The following NDUFB4 variants were observed in gnomAD, a reference collection of about 807,000 sequenced individuals.
The protein encoded by NDUFB4 is NADH dehydrogenase [ubiquinone] 1 beta subcomplex subunit 4.
In NDUFB4, 10 loss-of-function variants were observed where a neutral mutation model predicts 14.5. The observed-to-expected ratio is 0.69, with a 90% CI of 0.43 to 1.17. The LOEUF is 1.17. NDUFB4 is among the 50% of genes most tolerant of loss of function. The pLI, the probability that NDUFB4 is intolerant of heterozygous loss-of-function variation, is 0.00. For synonymous variants in NDUFB4, 65 were observed against 63.4 expected (o/e 1.03, Z -0.12); for missense variants, 165 against 161.1 (o/e 1.02, Z -0.13).
Position 120,602,442 on chromosome 3 carries a change from C to T in NDUFB4, c.*172C>T. 1 of 586,996 alleles carries T rather than the reference C, an allele frequency of 1.7e-6. No homozygotes were observed. The allele number at this position is 586,996 out of a possible 1,614,324, so 36.4% of individuals were successfully genotyped here. ...TGGGAATCTGCTGTCAGAGTGACAGCAAACATTTGCTGTACATTGAATGAA... is the reference window on the plus strand; with the variant it reads ...TGGGAATCTGCTGTCAGAGTGACAGTAAACATTTGCTGTACATTGAATGAA... On this transcript the variant is annotated 3_prime_UTR_variant, in exon 3 of 3. Coordinates refer to ENST00000184266, the MANE Select transcript of NDUFB4 (RefSeq NM_004547.6).
Position 120,596,355 on chromosome 3 carries a change from C to T in NDUFB4, c.-5C>T, listed in dbSNP as rs770075041. On this transcript the variant is annotated 5_prime_UTR_variant, in exon 1 of 3. Transcript: ENST00000184266. Reference sequence around the variant, plus strand: ...GCAGGCGCAATTGTGCCCTGGTTCGCCAAGATGTCGTTCCCAAAGTATAAG... The same window carrying T: ...GCAGGCGCAATTGTGCCCTGGTTCGTCAAGATGTCGTTCCCAAAGTATAAG... 8.4e-5 allele frequency: 135 copies of T among 1,613,866 alleles called. 1 individual carries two copies. The highest frequency in any genetic ancestry group is 3.4e-6 in the Non-Finnish European group (4 of 1,179,958).
intron 1 of NDUFB4, among the ~76,000 whole-genome samples, chr3:120,600,768 C>T (rs546673635): frequency 2.1e-4 from 32 of 152,196 alleles, no homozygotes; most frequent in Admixed American, 3.9e-4. Context: ...TAAAAACAGT[C>T]CAGAGAAGAA....
intron 1 of NDUFB4, 74 bp downstream of exon 1, chr3:120,596,613 C>G: frequency 6.7e-7 from 1 of 1,489,184 alleles, no homozygotes; most frequent in Non-Finnish European, 9.2e-7. Context: ...CGCAAAGGGT[C>G]GGCCACCGCT....
intron 1 of NDUFB4, among the ~76,000 whole-genome samples, chr3:120,599,687 A>T (rs1308291258): frequency 1.3e-5 from 2 of 152,116 alleles, no homozygotes; most frequent in Non-Finnish European, 2.9e-5. Context: ...AACTATGGTC[A>T]TGGGGCAATT....
At chr3:120,601,286 T>A in intron 2 of NDUFB4, 29 bp downstream of exon 2, 1 of 1,611,884 alleles carries the variant, frequency 6.2e-7, no homozygotes, top group Non-Finnish European at 8.5e-7. Flanking sequence ...TGTTTAGTAT[T>A]TGAGTGATAG....
chr3:120,596,754 T>G (rs1461486874), intron 1 of NDUFB4: 1 of 571,818 alleles, frequency 1.7e-6, no homozygotes, highest in Non-Finnish European at 3.1e-6. Context: ...AATCCTGGCT[T>G]GATCACTTCC....
chr3:120,601,433 A>C, intron 2 of NDUFB4, 176 bp downstream of exon 2: 2 of 1,441,904 alleles, frequency 1.4e-6, no homozygotes, highest in Non-Finnish European at 1.8e-6. Flanking sequence ...GTTAAAACAG[A>C]AAGTTTTCAG....
intron 2 of NDUFB4, 190 bp downstream of exon 2, chr3:120,601,447 C>A: frequency 7.0e-7 from 1 of 1,421,068 alleles, no homozygotes; most frequent in Non-Finnish European, 9.1e-7. Flanking sequence ...TTTTCAGTCA[C>A]CTTTGTCTAT....
In NDUFB4 at chr3:120,596,544, G is replaced by A; in HGVS notation, c.180+5G>A. 6.2e-7 allele frequency: 1 copy of A among 1,613,176 alleles called. No homozygotes were observed. Among genetic ancestry groups the A allele is most frequent in the South Asian group, 1.1e-5 (1 of 90,848 alleles). Reference sequence around the variant, plus strand: ...CCCAACCGCCGAGGGCTCATCGTGAGTGTGGGGCCTCCCAGGCGGGAATAG... The same window carrying A: ...CCCAACCGCCGAGGGCTCATCGTGAATGTGGGGCCTCCCAGGCGGGAATAG... On this transcript the variant is annotated splice_donor_5th_base_variant and intron_variant, in intron 1 of 2. Coordinates refer to ENST00000184266, the MANE Select transcript of NDUFB4 (RefSeq NM_004547.6).
intron 2 of NDUFB4, 188 bp from the exon 3 acceptor site, chr3:120,602,020 G>T: frequency 7.5e-7 from 1 of 1,328,276 alleles, no homozygotes; most frequent in South Asian, 2.2e-5. Context: ...CTGTTTCTTC[G>T]CACACTCCCT....
chr3:120,602,010 C>G, intron 2 of NDUFB4, 198 bp from the exon 3 acceptor site: 1 of 1,322,714 alleles, frequency 7.6e-7, no homozygotes, highest in Non-Finnish European at 9.6e-7. Context: ...CCTCGGATTA[C>G]TGTTTCTTCG....
rs141339635 is a variant in NDUFB4, at chr3:120,600,628, A to G, written c.181-483A>G. ...TCCTACAGCTTATTTGTAGCCTGGAAAGACTATTTTGGTGATAGCATTAGA... is the reference window on the plus strand; with the variant it reads ...TCCTACAGCTTATTTGTAGCCTGGAGAGACTATTTTGGTGATAGCATTAGA... On this transcript the variant is annotated intron_variant, in intron 1 of 2. Transcript: ENST00000184266. Among the ~76,000 whole-genome samples, 525 of 152,290 alleles carry G rather than the reference A, an allele frequency of 3.4e-3. 2 individuals carry two copies. Among genetic ancestry groups the G allele is most frequent in the African/African-American group, 0.012 (486 of 41,554 alleles).
At chr3:120,598,422 A>G (rs925317795) in intron 1 of NDUFB4, among the ~76,000 whole-genome samples, 1 of 152,142 alleles carries the variant, frequency 6.6e-6, no homozygotes, top group Non-Finnish European at 1.5e-5. Flanking sequence ...TTATGGCCCT[A>G]TTTTACATGC....
chr3:120,596,714 C>T (rs1290863383), intron 1 of NDUFB4, 175 bp downstream of exon 1: 5 of 676,496 alleles, frequency 7.4e-6, no homozygotes, highest in Non-Finnish European at 1.2e-5. Flanking sequence ...TCGAGAGGAC[C>T]GGCTCTGGAC....
intron 2 of NDUFB4, 180 bp from the exon 3 acceptor site, chr3:120,602,028 C>G (rs1940072804): frequency 7.2e-7 from 1 of 1,388,156 alleles, no homozygotes; most frequent in African/African-American, 1.5e-5. Context: ...TCGCACACTC[C>G]CTGGGCTTTA....
intron 2 of NDUFB4, 78 bp from the exon 3 acceptor site, chr3:120,602,130 T>G: frequency 7.7e-6 from 12 of 1,552,644 alleles, no homozygotes; most frequent in Non-Finnish European, 1.0e-5. Context: ...CTTACCTTTT[T>G]TATTTATTTA....
At chr3:120,601,044 C>G in intron 1 of NDUFB4, 67 bp from the exon 2 acceptor site, 1 of 1,410,204 alleles carries the variant, frequency 7.1e-7, no homozygotes, top group Non-Finnish European at 9.9e-7. Context: ...CACAAAAGTC[C>G]CTATGAATTT....
In NDUFB4 at chr3:120,596,644, C is replaced by T. The variant is rs970119387; in HGVS notation, c.180+105C>T. 6 of 1,294,250 alleles carry T rather than the reference C, an allele frequency of 4.6e-6. No homozygotes were observed. The Admixed American group carries it at 6.1e-5, about 13-fold the overall frequency. 80.2% of individuals were successfully genotyped at this position (1,294,250 alleles called of 1,614,324 possible). Reference sequence around the variant, plus strand: ...CCGCTCCCGATCAGTATCTCAGACGCAGGTCCTCTTCCAGGCCTAGCCAAC... The same window carrying T: ...CCGCTCCCGATCAGTATCTCAGACGTAGGTCCTCTTCCAGGCCTAGCCAAC... On this transcript the variant is annotated intron_variant, in intron 1 of 2. Coordinates refer to ENST00000184266, the MANE Select transcript of NDUFB4 (RefSeq NM_004547.6).
chr3:120,601,447 C>T (rs1223748243), intron 2 of NDUFB4, 190 bp downstream of exon 2: 1 of 1,420,950 alleles, frequency 7.0e-7, no homozygotes, highest in Non-Finnish European at 9.1e-7. Context: ...TTTTCAGTCA[C>T]CTTTGTCTAT....
Sources: allele counts gnomAD v4.1 joint callset (sites outside exome capture counted in the v4.1 genomes callset), GRCh38; gene constraint gnomAD v4.1.1; transcripts MANE v1.5; gene names NCBI Gene and HGNC (gene_info 2026-07-23, HGNC 2026-07-21).